Variants in MAP2 observed in about 807,000 individuals in gnomAD.
The protein encoded by MAP2 is microtubule associated protein 2.
Under a neutral mutation model 137.6 loss-of-function variants are expected in MAP2, and 14 were observed. The observed-to-expected ratio is 0.10, with a 90% CI of 0.07 to 0.16. The LOEUF (loss-of-function observed/expected upper bound fraction) is 0.16. Among genes scored for constraint, MAP2 ranks in the 10% least tolerant of loss-of-function variants. The pLI is 1.00. For missense variants in MAP2, 2,088 were observed against 2,191.5 expected (o/e 0.95, Z 0.94); for synonymous variants, 786 against 782.3 (o/e 1.00, Z -0.08).
At chr2:209,664,367 TA>T (rs1461180631) in intron 5 of MAP2, among the ~76,000 whole-genome samples, 2 of 152,036 alleles carry the variant, frequency 1.3e-5, no homozygotes, top group Admixed American at 1.3e-4. Context: ...CTGGCCAACA[TA>T]GTGAAACCCT....
At chr2:209,646,121 C>T (rs1405744190) in intron 4 of MAP2, among the ~76,000 whole-genome samples, 4 of 151,986 alleles carry the variant, frequency 2.6e-5, no homozygotes, top group Admixed American at 1.3e-4. Flanking sequence ...CACTTGAGCC[C>T]GGGAGGTTGA....
chr2:209,641,494 T>C lies in MAP2; in HGVS notation c.-29-11648T>C, dbSNP rs534782984. ...TAGGGGTCAAAGTTTATTTGTTCAA[T>C]GGCTCCATAGTTAGTTACATACTTA... is the stretch of plus-strand genomic sequence containing the variant. On this transcript the variant is annotated intron_variant, in intron 4 of 15. Transcript: ENST00000682079. 2.2e-4 allele frequency among the ~76,000 whole-genome samples: 33 copies of C among 151,978 alleles called. No individual in the cohort carries two copies. In the South Asian group the frequency reaches 6.9e-3, roughly 32 times the overall value.
At position 209,674,373 on chromosome 2, in the gene MAP2, C is replaced by T. The variant is rs2050276785; in HGVS notation, c.263-4199C>T. 2.6e-5 allele frequency among the ~76,000 whole-genome samples: 4 copies of T among 151,686 alleles called. No homozygotes were observed. The Middle Eastern group carries it at 0.014, about 516-fold the overall frequency. ...TCCAGGCCTGTTATATAATTATTTGCCAGGCCTGTTATATAATTATGTAAT... is the reference window on the plus strand; with the variant it reads ...TCCAGGCCTGTTATATAATTATTTGTCAGGCCTGTTATATAATTATGTAAT... On this transcript the variant is annotated intron_variant, in intron 5 of 15. Coordinates refer to ENST00000682079, the MANE Select transcript of MAP2 (RefSeq NM_001375505.1).
intron 12 of MAP2, among the ~76,000 whole-genome samples, chr2:209,706,212 A>G (rs1460023587): frequency 6.6e-6 from 1 of 152,138 alleles, no homozygotes; most frequent in Non-Finnish European, 1.5e-5. Context: ...AGTCTATGCA[A>G]TAGGTTCAAA....
At chr2:209,701,679 A>G (rs1274096393) in intron 11 of MAP2, among the ~76,000 whole-genome samples, 1 of 152,104 alleles carries the variant, frequency 6.6e-6, no homozygotes, top group African/African-American at 2.4e-5. Context: ...TTATGTTGAT[A>G]AAAGATGATA....
At chr2:209,528,938 A>G (rs533976894) in intron 2 of MAP2, among the ~76,000 whole-genome samples, 1 of 151,788 alleles carries the variant, frequency 6.6e-6, no homozygotes, top group East Asian at 1.9e-4. Context: ...ATATACATAC[A>G]TATGTACATA....
intron 2 of MAP2, among the ~76,000 whole-genome samples, chr2:209,526,052 AT>A (rs1279555004): frequency 7.2e-5 from 11 of 151,808 alleles, no homozygotes; most frequent in Non-Finnish European, 1.5e-4. Context: ...ATGTTATGTC[AT>A]GATTTTGATA....
intron 5 of MAP2, among the ~76,000 whole-genome samples, chr2:209,678,251 A>G (rs1373721274): frequency 6.6e-6 from 1 of 152,032 alleles, no homozygotes; most frequent in Non-Finnish European, 1.5e-5. Flanking sequence ...CACTCATTCT[A>G]TAACAGAGAT....
chr2:209,530,446 T>A (rs1652626366), intron 2 of MAP2, among the ~76,000 whole-genome samples: 1 of 152,204 alleles, frequency 6.6e-6, no homozygotes, highest in African/African-American at 2.4e-5. Context: ...TTAGCCCTAT[T>A]TATTTTGTTA....
intron 1 of MAP2, among the ~76,000 whole-genome samples, chr2:209,427,563 G>C (rs781411940): frequency 1.3e-4 from 19 of 151,444 alleles, no homozygotes; most frequent in Non-Finnish European, 2.4e-4. Flanking sequence ...TTTTTAATTC[G>C]ACATTTGGAT....
intron 4 of MAP2, among the ~76,000 whole-genome samples, chr2:209,642,229 G>A (rs2094091062): frequency 6.6e-6 from 1 of 151,836 alleles, no homozygotes; most frequent in African/African-American, 2.4e-5. Flanking sequence ...AATTGCTTGA[G>A]GCCAGGATTC....
rs527801970 is a variant in MAP2, at chr2:209,644,670, C to CAG, written c.-29-8471_-29-8470insGA. Among the ~76,000 whole-genome samples, 243 of 68,602 alleles carry CAG rather than the reference C, an allele frequency of 3.5e-3. 4 individuals carry two copies. The East Asian group carries it at 0.044, about 12-fold the overall frequency. The allele number at this position is 68,602 out of a possible 152,430, so 45.0% of individuals were successfully genotyped here. A position where few individuals can be genotyped will look rare whatever the true frequency, so the allele number is the denominator to read the frequency against. Reference sequence around the variant, plus strand: ...TGGGCAACGACGTGGGACCCTGTCTCAAAAAAAAAAAAAAAAAAAAAGACA... The same window carrying CAG: ...TGGGCAACGACGTGGGACCCTGTCTCAGAAAAAAAAAAAAAAAAAAAAAGACA... On this transcript the variant is annotated intron_variant, in intron 4 of 15. Coordinates refer to ENST00000682079, the MANE Select transcript of MAP2 (RefSeq NM_001375505.1).
intron 2 of MAP2, among the ~76,000 whole-genome samples, chr2:209,524,633 T>C (rs907532083): frequency 6.6e-6 from 1 of 152,166 alleles, no homozygotes; most frequent in Admixed American, 6.5e-5. Flanking sequence ...TTCATTATTA[T>C]ATGTGTAAAA....
intron 2 of MAP2, among the ~76,000 whole-genome samples, chr2:209,540,563 G>A (rs569333855): frequency 3.7e-5 from 5 of 135,022 alleles, no homozygotes; most frequent in East Asian, 4.4e-4. Flanking sequence ...CCCAGGAGGC[G>A]GAGGTTGCAG....
chr2:209,543,631 G>T (rs186779772), intron 2 of MAP2, among the ~76,000 whole-genome samples: 19 of 152,310 alleles, frequency 1.2e-4, no homozygotes, highest in African/African-American at 4.6e-4. Flanking sequence ...AAACCAACAT[G>T]TTGGGTAATA....
chr2:209,495,665 T>C (rs989246463), intron 1 of MAP2, among the ~76,000 whole-genome samples: 1 of 152,238 alleles, frequency 6.6e-6, no homozygotes, highest in African/African-American at 2.4e-5. Flanking sequence ...CTTAGTTTTC[T>C]CCTAGGAATA....
In MAP2 at chr2:209,692,631, T is replaced by C. The variant is rs1352525164; in HGVS notation, c.461T>C (p.Leu154Pro). The change falls in exon 8 of 16, where the codon CTT (leucine) becomes CCT (proline). Residue 154 changes from leucine (L) to proline (P), a missense_variant. Leu to Pro is a moderately conservative substitution (Grantham distance 98, BLOSUM62 -3). This residue lies in a region of MAP2 where 859 missense variants were observed against 794.5 expected (regional missense o/e 1.08). Coordinates refer to ENST00000682079, the MANE Select transcript of MAP2 (RefSeq NM_001375505.1). The stretch of plus-strand genomic sequence containing the variant: ...ATCAACCCGATTACTTCAGATTTAC[T>C]TACAGCCTCGAAGATGGAGTTCCAC... ...EQTVTVEEDL[L>P]TASKMEFHDQ... is the part of the protein sequence containing the mutation. The C allele has an allele frequency of 6.4e-7, 1 of 1,572,238 alleles. No individual in the cohort carries two copies. Among genetic ancestry groups the C allele is most frequent in the Non-Finnish European group, 8.6e-7 (1 of 1,165,038 alleles).
At chr2:209,542,506 C>T (rs959656066) in intron 2 of MAP2, among the ~76,000 whole-genome samples, 1 of 152,186 alleles carries the variant, frequency 6.6e-6, no homozygotes, top group Non-Finnish European at 1.5e-5. Flanking sequence ...ATTGACTTTC[C>T]TCTCTAGCTA....
At chr2:209,630,707 G>T (rs2092913061) in intron 4 of MAP2, among the ~76,000 whole-genome samples, 1 of 151,974 alleles carries the variant, frequency 6.6e-6, no homozygotes, top group African/African-American at 2.4e-5. Context: ...GAAGAGCAGG[G>T]AGTATAGCCA....
Sources: gnomAD v4.1 joint callset for allele counts (sites outside exome capture counted in the v4.1 genomes callset) on GRCh38, gnomAD v4.1.1 for gene constraint, gnomAD v4.1.1 regional missense constraint, MANE v1.5 for transcripts, NCBI Gene and HGNC (gene_info 2026-07-23, HGNC 2026-07-21) for gene names.